EXOC4: variants seen among roughly 807,000 people sequenced by gnomAD.
EXOC4 encodes the protein SEC8-like 1.
A neutral mutation model predicts 107.2 loss-of-function variants in EXOC4; 71 were observed. That is an observed-to-expected ratio of 0.66 (90% CI 0.55 to 0.81). EXOC4 has a LOEUF of 0.81. Ranked by LOEUF, EXOC4 falls within the 30% of genes least tolerant of loss-of-function variation. The pLI is 0.00. For missense variants in EXOC4, 1,108 were observed against 1,189.6 expected, an observed-to-expected ratio of 0.93 and a Z score of 1.01; for synonymous variants, 456 against 441.2, an observed-to-expected ratio of 1.03 and a Z score of -0.42.
At chr7:133,553,813 G>T (rs1584994381) in intron 9 of EXOC4, among the ~76,000 whole-genome samples, 1 of 152,234 alleles carries the variant, frequency 6.6e-6, no homozygotes, top group African/African-American at 2.4e-5. Flanking sequence ...TGCTGTTGGA[G>T]AATTTAAAAT....
Position 133,763,106 on chromosome 7 carries a change from C to T in EXOC4, c.1515-54219C>T, listed in dbSNP as rs1325314772. ...TGATGCTATAAGTCTGGGGACCACA[C>T]TTTGAGAATTACTAATGTAGAGAAT... is the stretch of plus-strand genomic sequence containing the variant. On this transcript the variant is annotated intron_variant, in intron 10 of 17. Transcript: ENST00000253861. Among the ~76,000 whole-genome samples the T allele has an allele frequency of 2.0e-5, 3 of 152,112 alleles. No individual in the cohort carries two copies. In the South Asian group the frequency reaches 6.2e-4, roughly 31 times the overall value.
chr7:133,291,641 C>T (rs1312653740), intron 3 of EXOC4, among the ~76,000 whole-genome samples: 2 of 151,986 alleles, frequency 1.3e-5, no homozygotes, highest in Admixed American at 6.6e-5. Flanking sequence ...CCTTGGCCTC[C>T]CAAAGTGCTG....
At chr7:133,835,169 A>G (rs1395462041) in intron 11 of EXOC4, among the ~76,000 whole-genome samples, 1 of 152,184 alleles carries the variant, frequency 6.6e-6, no homozygotes. Flanking sequence ...ATACAGCGAA[A>G]AATAAAAAAG....
intron 10 of EXOC4, among the ~76,000 whole-genome samples, chr7:133,640,063 A>G (rs1212457964): frequency 6.6e-6 from 1 of 152,164 alleles, no homozygotes; most frequent in African/African-American, 2.4e-5. Context: ...ATCTGTACAC[A>G]TATTTTTAAA....
intron 12 of EXOC4, among the ~76,000 whole-genome samples, chr7:133,901,381 G>A (rs1231526167): frequency 6.6e-6 from 1 of 152,058 alleles, no homozygotes; most frequent in African/African-American, 2.4e-5. Context: ...ACACTTCCTT[G>A]TATGTTGACA....
intron 10 of EXOC4, among the ~76,000 whole-genome samples, chr7:133,753,814 T>C (rs1795843467): frequency 6.6e-6 from 1 of 152,180 alleles, no homozygotes; most frequent in Non-Finnish European, 1.5e-5. Context: ...ACGGCCTGTT[T>C]TACAGAGGAC....
At chr7:133,370,275 G>C (rs1460555035) in intron 6 of EXOC4, among the ~76,000 whole-genome samples, 1 of 151,976 alleles carries the variant, frequency 6.6e-6, no homozygotes, top group African/African-American at 2.4e-5. Context: ...AAGGTGGTCA[G>C]GGCACAGCTA....
chr7:133,696,417 C>T (rs531456594), intron 10 of EXOC4, among the ~76,000 whole-genome samples: 2 of 152,318 alleles, frequency 1.3e-5, no homozygotes, highest in South Asian at 4.1e-4. Flanking sequence ...CCTCCTCTGT[C>T]CTACAGTTTT....
At chr7:133,445,099 C>A (rs1182282141) in intron 7 of EXOC4, among the ~76,000 whole-genome samples, 1 of 151,978 alleles carries the variant, frequency 6.6e-6, no homozygotes, top group African/African-American at 2.4e-5. Context: ...ACAAGTTCCT[C>A]CTGTCATGTA....
intron 3 of EXOC4, among the ~76,000 whole-genome samples, chr7:133,297,736 A>G (rs895725224): frequency 6.6e-6 from 1 of 152,166 alleles, no homozygotes; most frequent in East Asian, 1.9e-4. Flanking sequence ...CATGCCAGGT[A>G]AAAAGAAAAT....
At chr7:133,960,909 T>C (rs1034942469) in intron 14 of EXOC4, among the ~76,000 whole-genome samples, 6 of 152,194 alleles carry the variant, frequency 3.9e-5, no homozygotes, top group African/African-American at 1.2e-4. Context: ...GGATATCGTC[T>C]CTAATCTTCA....
chr7:134,063,416 C>G (rs1416687444), intron 17 of EXOC4, among the ~76,000 whole-genome samples: 2 of 152,210 alleles, frequency 1.3e-5, no homozygotes, highest in African/African-American at 4.8e-5. Flanking sequence ...CGTGAAAAAA[C>G]AGTCTTGAAC....
intron 10 of EXOC4, among the ~76,000 whole-genome samples, chr7:133,674,424 C>T (rs752364756): frequency 3.3e-5 from 5 of 151,994 alleles, no homozygotes; most frequent in Admixed American, 6.6e-5. Context: ...AATTTTATCA[C>T]GATAATTACA....
chr7:133,475,432 T>G lies in EXOC4; in HGVS notation c.1287T>G (p.Phe429Leu), dbSNP rs756804611. The part of the protein sequence containing the change: ...ASTGREFAAF[F>L]AKKKPQRPKN... ...CTGGACGAGAGTTTGCAGCCTTTTT[T>G]GCCAAGAAGAAACCTCAAAGGCCAA... The change falls in exon 8 of 18, where the codon TTT (phenylalanine) becomes TTG (leucine). Residue 429 changes from phenylalanine (F) to leucine (L), a missense_variant. Physicochemically the swap from Phe to Leu is conservative, Grantham distance 22. Coordinates refer to ENST00000253861, the MANE Select transcript of EXOC4 (RefSeq NM_021807.4). 6.2e-7 allele frequency: 1 copy of G among 1,614,066 alleles called. No individual in the cohort carries two copies. The highest frequency in any genetic ancestry group is 1.1e-5 in the South Asian group (1 of 91,084).
chr7:133,387,795 C>G (rs1796760972), intron 7 of EXOC4, among the ~76,000 whole-genome samples: 1 of 152,120 alleles, frequency 6.6e-6, no homozygotes, highest in African/African-American at 2.4e-5. Flanking sequence ...TTTATGGTCC[C>G]ATGGACAAAT....
intron 1 of EXOC4, among the ~76,000 whole-genome samples, chr7:133,257,666 G>C (rs1384209575): frequency 6.6e-6 from 1 of 152,192 alleles, no homozygotes; most frequent in Non-Finnish European, 1.5e-5. Flanking sequence ...GACTTCAGGA[G>C]ACCTTATTGA....
intron 7 of EXOC4, among the ~76,000 whole-genome samples, chr7:133,386,807 A>G (rs1284587166): frequency 1.3e-5 from 2 of 149,714 alleles, no homozygotes; most frequent in Non-Finnish European, 3.0e-5. Flanking sequence ...TGCAAATGAA[A>G]GACGTAATGA....
chr7:133,495,054 G>A (rs1011201049), intron 9 of EXOC4, among the ~76,000 whole-genome samples: 10 of 152,114 alleles, frequency 6.6e-5, no homozygotes, highest in East Asian at 1.9e-4. Context: ...GGCAGATCAC[G>A]TGAGATCAGG....
At chr7:134,063,097 A>G (rs1796104715) in intron 17 of EXOC4, among the ~76,000 whole-genome samples, 2 of 152,208 alleles carry the variant, frequency 1.3e-5, no homozygotes, top group African/African-American at 4.8e-5. Context: ...AACTAGGTCT[A>G]AAATCATAGC....
Sources: gnomAD v4.1 joint callset for allele counts (sites outside exome capture counted in the v4.1 genomes callset) on GRCh38, gnomAD v4.1.1 for gene constraint, MANE v1.5 for transcripts, NCBI Gene and HGNC (gene_info 2026-07-23, HGNC 2026-07-21) for gene names.